The following HFM1 variants were observed in gnomAD, a reference collection of about 807,000 sequenced individuals.
HFM1 encodes probable ATP-dependent DNA helicase HFM1.
In HFM1, 169 loss-of-function variants were observed where a neutral mutation model predicts 192.1. The ratio of observed to expected loss-of-function variants is 0.88; its 90% CI spans 0.78 to 1.00. The LOEUF is 1.00. Ranked by LOEUF, HFM1 falls within the 50% of genes least tolerant of loss-of-function variation. HFM1 has a pLI of 0.00. For missense variants in HFM1, 1,661 were observed against 1,668.0 expected, an observed-to-expected ratio of 1.00 and a Z score of 0.07; for synonymous variants, 525 against 537.8, an observed-to-expected ratio of 0.98 and a Z score of 0.33.
chr1:91,397,786 A>C (rs891561225), intron 2 of HFM1, among the ~76,000 whole-genome samples: 1 of 152,246 alleles, frequency 6.6e-6, no homozygotes, highest in African/African-American at 2.4e-5. Flanking sequence ...AAAACCAGGC[A>C]TGAGCTTTCA....
At position 91,319,183 on chromosome 1, in the gene HFM1, C is replaced by T; in HGVS notation, c.2707G>A (p.Glu903Lys). The change falls in exon 25 of 39, where the codon GAA (glutamate) becomes AAA (lysine). Residue 903 changes from glutamate to lysine, a missense_variant. Transcript: ENST00000370425. ...RWLSDFVAAQ[E>K]KKFAVLLNSL... is the part of the protein sequence containing the mutation. ...TTCAATAGTACAGCAAACTTCTTTT[C>T]TTGAGCAGCTACAAAATCTGACAAC... 1.2e-6 allele frequency: 2 copies of T among 1,608,424 alleles called. No homozygotes were observed. The highest frequency in any genetic ancestry group is 1.7e-6 in the Non-Finnish European group (2 of 1,178,462).
chr1:91,291,459 G>T (rs907015273), intron 30 of HFM1, among the ~76,000 whole-genome samples: 1 of 152,136 alleles, frequency 6.6e-6, no homozygotes, highest in Non-Finnish European at 1.5e-5. Context: ...TGGAAGAAAT[G>T]GATACATTCC....
At chr1:91,385,076 T>C in intron 6 of HFM1, 111 bp downstream of exon 6, 1 of 748,598 alleles carries the variant, frequency 1.3e-6, no homozygotes, top group Non-Finnish European at 2.2e-6. Flanking sequence ...AAAGATTAAT[T>C]TTTCCCTCTT....
intron 13 of HFM1, among the ~76,000 whole-genome samples, chr1:91,357,390 G>C (rs1657892024): frequency 2.0e-5 from 3 of 152,194 alleles, no homozygotes; most frequent in Admixed American, 2.0e-4. Context: ...GCATTTGACA[G>C]CAAGTTCAAC....
chr1:91,296,571 C>T (rs1307051138), intron 30 of HFM1, among the ~76,000 whole-genome samples: 1 of 151,876 alleles, frequency 6.6e-6, no homozygotes, highest in African/African-American at 2.4e-5. Flanking sequence ...ACAACAAAAC[C>T]CTGCTGAAAT....
chr1:91,390,997 C>T (rs1662914370), intron 4 of HFM1, among the ~76,000 whole-genome samples: 1 of 152,180 alleles, frequency 6.6e-6, no homozygotes, highest in Non-Finnish European at 1.5e-5. Context: ...AACTCCCATT[C>T]ACAATTGCTA....
chr1:91,290,610 T>C (rs1055397389), intron 30 of HFM1, among the ~76,000 whole-genome samples: 1 of 152,138 alleles, frequency 6.6e-6, no homozygotes, highest in African/African-American at 2.4e-5. Context: ...TAGGAGACTT[T>C]AACACCCCAC....
In HFM1 at chr1:91,323,871, ATTG is replaced by A. The variant is rs553256758; in HGVS notation, c.2428-675_2428-673del. 2.6e-5 allele frequency among the ~76,000 whole-genome samples: 4 copies of A among 152,234 alleles called. No homozygotes were observed. The East Asian group carries it at 7.7e-4, about 29-fold the overall frequency. ...AATACAAACCTTCTATTTTTCATCA[ATTG>A]TTGTTTATGTGACTCCTCAATCATA... is the stretch of plus-strand genomic sequence containing the variant. On this transcript the variant is annotated intron_variant, in intron 21 of 38. Coordinates refer to ENST00000370425, the MANE Select transcript of HFM1 (RefSeq NM_001017975.6).
At chr1:91,360,808 C>T (rs1557444720) in intron 13 of HFM1, among the ~76,000 whole-genome samples, 1 of 152,126 alleles carries the variant, frequency 6.6e-6, no homozygotes, top group Non-Finnish European at 1.5e-5. Flanking sequence ...AAACACTTCT[C>T]AGCAAATGTA....
intron 13 of HFM1, among the ~76,000 whole-genome samples, chr1:91,373,111 T>C (rs1660450159): frequency 6.6e-6 from 1 of 150,440 alleles, no homozygotes; most frequent in African/African-American, 2.5e-5. Context: ...TGTAATTCTT[T>C]AATAGACTAT....
intron 20 of HFM1, among the ~76,000 whole-genome samples, chr1:91,326,584 A>G (rs970276623): frequency 6.6e-6 from 1 of 152,250 alleles, no homozygotes; most frequent in Non-Finnish European, 1.5e-5. Context: ...GGATTTCATC[A>G]ACACCAGACG....
At chr1:91,383,767 T>C (rs1389953500) in intron 6 of HFM1, among the ~76,000 whole-genome samples, 1 of 152,198 alleles carries the variant, frequency 6.6e-6, no homozygotes, top group Non-Finnish European at 1.5e-5. Flanking sequence ...ATATTTGAAC[T>C]GCTTAAAAAA....
chr1:91,383,898 T>C (rs1661851276), intron 6 of HFM1, among the ~76,000 whole-genome samples: 1 of 139,248 alleles, frequency 7.2e-6, no homozygotes, highest in Admixed American at 7.5e-5. Context: ...AATGTTTACA[T>C]ATTAAAAAAT....
At chr1:91,352,780 A>G in intron 15 of HFM1, 129 bp from the exon 16 acceptor site, 1 of 718,678 alleles carries the variant, frequency 1.4e-6, no homozygotes, top group Non-Finnish European at 2.2e-6. Context: ...AAGAAAAAAG[A>G]GCATTACAAT....
chr1:91,393,794 G>C (rs575787795), intron 4 of HFM1, among the ~76,000 whole-genome samples: 1 of 152,138 alleles, frequency 6.6e-6, no homozygotes, highest in Non-Finnish European at 1.5e-5. Context: ...TAGGAAAATG[G>C]GTCTCAAACT....
intron 30 of HFM1, among the ~76,000 whole-genome samples, chr1:91,290,772 C>G (rs1668654727): frequency 6.6e-6 from 1 of 152,052 alleles, no homozygotes; most frequent in South Asian, 2.1e-4. Context: ...CACACCACAC[C>G]TATTCCAAAA....
chr1:91,349,433 CAA>C (rs1362971707), intron 18 of HFM1, among the ~76,000 whole-genome samples: 1 of 152,096 alleles, frequency 6.6e-6, no homozygotes, highest in Non-Finnish European at 1.5e-5. Flanking sequence ...ACTTCAGAGA[CAA>C]AGTTATAAAA....
chr1:91,367,699 A>C (rs939501130), intron 13 of HFM1, among the ~76,000 whole-genome samples: 1 of 152,196 alleles, frequency 6.6e-6, no homozygotes, highest in Non-Finnish European at 1.5e-5. Flanking sequence ...CAGAGTGCCT[A>C]TCCTCCTCCA....
chr1:91,329,571 C>T, intron 20 of HFM1: 1 of 1,218,298 alleles, frequency 8.2e-7, no homozygotes, highest in Non-Finnish European at 1.1e-6. Context: ...CCCTCTTGTA[C>T]CCTTAAGAGC....
Sources: gnomAD v4.1 joint callset for allele counts (sites outside exome capture counted in the v4.1 genomes callset) on GRCh38, gnomAD v4.1.1 for gene constraint, MANE v1.5 for transcripts, NCBI Gene and HGNC (gene_info 2026-07-23, HGNC 2026-07-21) for gene names.